RBFOX1: variants seen among roughly 807,000 people sequenced by gnomAD.
RBFOX1 encodes RNA binding protein fox-1 homolog 1.
A neutral mutation model predicts 57.7 loss-of-function variants in RBFOX1; 8 were observed. The ratio of observed to expected loss-of-function variants is 0.14; its 90% confidence interval spans 0.08 to 0.25. The LOEUF (loss-of-function observed/expected upper bound fraction) is 0.25. Ranked by LOEUF, RBFOX1 falls within the 10% of genes least tolerant of loss-of-function variation. The probability of loss-of-function intolerance (pLI) is 1.00; values close to 1 mark genes in which losing one functional copy is unlikely to be tolerated. For synonymous variants in RBFOX1, 326 were observed against 222.4 expected (o/e 1.47, Z -4.15); for missense variants, 611 against 548.5 (o/e 1.11, Z -1.14).
intron 3 of RBFOX1, among the ~76,000 whole-genome samples, chr16:6,728,889 G>T (rs969820639): frequency 2.0e-5 from 3 of 151,922 alleles, no homozygotes; most frequent in African/African-American, 7.3e-5. Flanking sequence ...TTTAGATAAT[G>T]ATATATATAT....
chr16:5,277,539 C>G (rs1363359104), intron 1 of RBFOX1, among the ~76,000 whole-genome samples: 1 of 152,124 alleles, frequency 6.6e-6, no homozygotes, highest in Non-Finnish European at 1.5e-5. Context: ...TATTTTTACA[C>G]CCATTAATCA....
At chr16:6,984,194 C>T (rs934659503) in intron 3 of RBFOX1, among the ~76,000 whole-genome samples, 61 of 152,236 alleles carry the variant, frequency 4.0e-4, no homozygotes, top group African/African-American at 1.4e-3. Flanking sequence ...TTGCGGTGAG[C>T]CGAGATAGTG....
At chr16:7,249,175 C>A (rs956251423) in intron 4 of RBFOX1, among the ~76,000 whole-genome samples, 1 of 152,190 alleles carries the variant, frequency 6.6e-6, no homozygotes, top group Non-Finnish European at 1.5e-5. Flanking sequence ...GTATCACCAC[C>A]AACCTTCAGC....
chr16:7,572,761 C>G, intron 5 of RBFOX1, among the ~76,000 whole-genome samples: 1 of 151,946 alleles, frequency 6.6e-6, no homozygotes, highest in East Asian at 1.9e-4. Context: ...ATGGCGTGAA[C>G]CCAGGAGGCA....
intron 3 of RBFOX1, among the ~76,000 whole-genome samples, chr16:6,875,268 C>T (rs921793492): frequency 6.6e-6 from 1 of 152,174 alleles, no homozygotes. Context: ...GAAGACTCTT[C>T]GGTTGTCTAA....
chr16:6,955,898 G>C (rs369230171), intron 3 of RBFOX1, among the ~76,000 whole-genome samples: 1 of 152,004 alleles, frequency 6.6e-6, no homozygotes, highest in South Asian at 2.1e-4. Context: ...TAGAGATGGG[G>C]TTTCACCATG....
intron 3 of RBFOX1, among the ~76,000 whole-genome samples, chr16:7,008,443 G>C (rs1265284662): frequency 1.3e-5 from 2 of 151,972 alleles, no homozygotes; most frequent in Non-Finnish European, 2.9e-5. Context: ...AGAAGTCAGA[G>C]GCAGCAGAAT....
At chr16:6,231,837 T>TG (rs1344339959) in intron 1 of RBFOX1, among the ~76,000 whole-genome samples, 1 of 90,850 alleles carries the variant, frequency 1.1e-5, no homozygotes, top group African/African-American at 3.3e-5. Flanking sequence ...TCCAGTTTTT[T>TG]TTTTTTTTTT....
intron 3 of RBFOX1, among the ~76,000 whole-genome samples, chr16:6,670,293 G>A (rs2098756200): frequency 1.3e-5 from 2 of 151,910 alleles, no homozygotes; most frequent in African/African-American, 4.8e-5. Flanking sequence ...TGGCTTCCAA[G>A]TCCGGAGCTC....
At chr16:5,649,944 C>T (rs111803545) in intron 3 of RBFOX1, among the ~76,000 whole-genome samples, 5 of 152,260 alleles carry the variant, frequency 3.3e-5, no homozygotes, top group African/African-American at 7.2e-5. Flanking sequence ...TCGCAAGAAT[C>T]GCCTCCCGGT....
In RBFOX1 at chr16:5,294,563, C is replaced by G. The variant is rs140347194; in HGVS notation, c.219+54458C>G. Among the ~76,000 whole-genome samples, 814 of 152,316 alleles carry G rather than the reference C, an allele frequency of 5.3e-3. 14 individuals are homozygous for G. Among genetic ancestry groups the G allele is most frequent in the African/African-American group, 0.018 (755 of 41,572 alleles). On this transcript the variant is annotated intron_variant, in intron 1 of 2. Transcript: ENST00000585867. ...ACCAGGTAGCTCCCCATCTCCAACT[C>G]TGACCTGCCAAGTCAGAATCTTGTG...
chr16:6,710,255 G>C (rs924462747), intron 3 of RBFOX1, among the ~76,000 whole-genome samples: 1 of 152,074 alleles, frequency 6.6e-6, no homozygotes, highest in African/African-American at 2.4e-5. Context: ...TTGTTCCTCT[G>C]TAATAGCATT....
At chr16:6,513,402 G>A (rs2096293785) in intron 2 of RBFOX1, among the ~76,000 whole-genome samples, 1 of 152,152 alleles carries the variant, frequency 6.6e-6, no homozygotes, top group Non-Finnish European at 1.5e-5. Context: ...TTCAGGGGAA[G>A]AGAGAGCACA....
chr16:6,984,379 C>G (rs1462379882), intron 3 of RBFOX1, among the ~76,000 whole-genome samples: 1 of 152,142 alleles, frequency 6.6e-6, no homozygotes, highest in Non-Finnish European at 1.5e-5. Context: ...AGCCTACATC[C>G]TACAGCACTA....
At chr16:5,429,873 C>T (rs568626853) in intron 1 of RBFOX1, among the ~76,000 whole-genome samples, 81 of 152,314 alleles carry the variant, frequency 5.3e-4, no homozygotes, top group Non-Finnish European at 1.0e-3. Context: ...ATGAAACAGT[C>T]CCAAATACCT....
chr16:6,159,868 G>C (rs957083602), intron 1 of RBFOX1, among the ~76,000 whole-genome samples: 1 of 145,310 alleles, frequency 6.9e-6, no homozygotes, highest in Non-Finnish European at 1.5e-5. Context: ...AGGATATTCG[G>C]TATTAAATCA....
intron 1 of RBFOX1, among the ~76,000 whole-genome samples, chr16:5,384,310 G>A (rs982578705): frequency 3.3e-5 from 5 of 152,186 alleles, no homozygotes; most frequent in African/African-American, 1.2e-4. Flanking sequence ...CAGCAGCAGC[G>A]AATCATCTCA....
At chr16:7,245,506 C>G (rs1359873332) in intron 4 of RBFOX1, among the ~76,000 whole-genome samples, 1 of 152,096 alleles carries the variant, frequency 6.6e-6, no homozygotes, top group African/African-American at 2.4e-5. Flanking sequence ...CCACTGTTGA[C>G]CAACAGAGGC....
At chr16:6,997,176 A>C (rs915676345) in intron 3 of RBFOX1, among the ~76,000 whole-genome samples, 1 of 152,160 alleles carries the variant, frequency 6.6e-6, no homozygotes, top group East Asian at 1.9e-4. Flanking sequence ...ATAGAGAATT[A>C]TCTTAGCATT....
Sources: allele counts gnomAD v4.1 joint callset (sites outside exome capture counted in the v4.1 genomes callset), GRCh38; gene constraint gnomAD v4.1.1; transcripts MANE v1.5; gene names NCBI Gene and HGNC (gene_info 2026-07-23, HGNC 2026-07-21).